Variants in PAM observed in about 807,000 individuals in gnomAD.
PAM encodes peptidyl-glycine alpha-amidating monooxygenase.
In PAM, 72 loss-of-function variants were observed where a neutral mutation model predicts 122.1. The ratio of observed to expected loss-of-function variants is 0.59; its 90% CI spans 0.49 to 0.72. The LOEUF is 0.72. Ranked by LOEUF, PAM falls within the 30% of genes least tolerant of loss-of-function variation. The pLI is 0.00. For synonymous variants in PAM, 389 were observed against 404.4 expected (o/e 0.96, Z 0.46); for missense variants, 1,106 against 1,183.7 (o/e 0.93, Z 0.96).
chr5:102,922,331 A>T (rs1747722870), intron 5 of PAM, among the ~76,000 whole-genome samples: 1 of 152,116 alleles, frequency 6.6e-6, no homozygotes, highest in Non-Finnish European at 1.5e-5. Context: ...GGAAGGCTTG[A>T]ACTGAATCTT....
chr5:102,927,890 T>C (rs978365481), intron 7 of PAM, among the ~76,000 whole-genome samples: 1 of 152,004 alleles, frequency 6.6e-6, no homozygotes, highest in Non-Finnish European at 1.5e-5. Flanking sequence ...TTTTTTGGAA[T>C]AGAACATAAT....
chr5:102,957,593 A>G (rs1450567513), intron 12 of PAM, among the ~76,000 whole-genome samples: 1 of 151,444 alleles, frequency 6.6e-6, no homozygotes, highest in African/African-American at 2.4e-5. Context: ...CAGTGGCGTG[A>G]GATCTCAGCT....
chr5:102,796,426 C>T (rs1371774953), intron 1 of PAM, among the ~76,000 whole-genome samples: 4 of 152,182 alleles, frequency 2.6e-5, no homozygotes, highest in African/African-American at 9.7e-5. Flanking sequence ...TGCAGTTCCA[C>T]ACAGTGGAAA....
chr5:102,782,700 C>T (rs1174783018), intron 1 of PAM, among the ~76,000 whole-genome samples: 2 of 137,200 alleles, frequency 1.5e-5, no homozygotes, highest in East Asian at 4.2e-4. Flanking sequence ...TTCCTTTCTC[C>T]ATTTCTCTCT....
Position 102,990,225 on chromosome 5 carries a change from A to G in PAM, c.1484-47A>G. ...TAACTATTATGAATCCTCATGAGGC[A>G]ATTCGACCTTTCCCTTTTACACTAA... On this transcript the variant is annotated intron_variant, in intron 15 of 25. Coordinates refer to ENST00000438793, the MANE Select transcript of PAM (RefSeq NM_001177306.2). The G allele has an allele frequency of 2.8e-6, 4 of 1,421,432 alleles. No individual in the cohort carries two copies. In the South Asian group the frequency reaches 6.9e-5, roughly 24 times the overall value. 88.1% of individuals were successfully genotyped at this position (1,421,432 alleles called of 1,614,324 possible).
At chr5:102,859,419 TAAAAAAAGC>T in intron 1 of PAM, among the ~76,000 whole-genome samples, 1 of 151,762 alleles carries the variant, frequency 6.6e-6, no homozygotes, top group Non-Finnish European at 1.5e-5. Context: ...GGTTTTTTTT[TAAAAAAAGC>T]TTATAGAATA....
chr5:102,950,416 G>GTGTGTGT (rs1758418594), intron 11 of PAM, among the ~76,000 whole-genome samples: 143 of 146,062 alleles, frequency 9.8e-4, no homozygotes, highest in African/African-American at 3.2e-3. Flanking sequence ...TATGTGGGTG[G>GTGTGTGT]GTGTGTGTGT....
chr5:102,962,118 C>A (rs1298799264), intron 14 of PAM, among the ~76,000 whole-genome samples: 1 of 151,910 alleles, frequency 6.6e-6, no homozygotes, highest in African/African-American at 2.4e-5. Context: ...TCAAAAATAT[C>A]ACTCTTGTAT....
chr5:102,869,172 T>C (rs536728657), intron 3 of PAM, among the ~76,000 whole-genome samples: 4 of 152,318 alleles, frequency 2.6e-5, no homozygotes, highest in East Asian at 1.9e-4. Flanking sequence ...TGGACCGTGA[T>C]TGATAATTGA....
chr5:102,830,086 T>C (rs917646769), intron 1 of PAM, among the ~76,000 whole-genome samples: 1 of 152,216 alleles, frequency 6.6e-6, no homozygotes, highest in Non-Finnish European at 1.5e-5. Context: ...CTGGGGCTTA[T>C]GTGCAGCTGC....
chr5:102,927,048 G>A (rs1054608025), intron 7 of PAM, among the ~76,000 whole-genome samples: 2 of 151,998 alleles, frequency 1.3e-5, no homozygotes, highest in African/African-American at 4.8e-5. Flanking sequence ...GCCACCGAGA[G>A]TCTATAGGTT....
chr5:102,869,958 A>C (rs1786849127), intron 3 of PAM, among the ~76,000 whole-genome samples: 1 of 152,144 alleles, frequency 6.6e-6, no homozygotes, highest in Non-Finnish European at 1.5e-5. Context: ...GGTCCAAGAA[A>C]ATGGAATGAT....
intron 16 of PAM, among the ~76,000 whole-genome samples, chr5:102,998,819 T>C (rs1776508978): frequency 6.6e-6 from 1 of 152,210 alleles, no homozygotes; most frequent in African/African-American, 2.4e-5. Context: ...AGATTGCCAT[T>C]GTGCCTTTAC....
chr5:102,869,524 A>G (rs1423858983), intron 3 of PAM, among the ~76,000 whole-genome samples: 2 of 152,202 alleles, frequency 1.3e-5, no homozygotes, highest in East Asian at 1.9e-4. Flanking sequence ...GCTCTGCCTG[A>G]CAGCTCAGAA....
chr5:103,000,039 C>A (rs1434240741), intron 16 of PAM, among the ~76,000 whole-genome samples: 1 of 152,180 alleles, frequency 6.6e-6, no homozygotes, highest in Non-Finnish European at 1.5e-5. Context: ...CATCATCAGG[C>A]TGCAAATTTT....
At chr5:102,996,523 A>C (rs1489725843) in intron 16 of PAM, among the ~76,000 whole-genome samples, 1 of 152,138 alleles carries the variant, frequency 6.6e-6, no homozygotes, top group East Asian at 1.9e-4. Flanking sequence ...CAAGTTTAAC[A>C]TGTGTGTTTG....
intron 7 of PAM, among the ~76,000 whole-genome samples, chr5:102,941,689 A>G (rs2151904788): frequency 6.6e-6 from 1 of 152,204 alleles, no homozygotes; most frequent in South Asian, 2.1e-4. Context: ...AATTTTTAAA[A>G]AAATCTGGTA....
intron 12 of PAM, among the ~76,000 whole-genome samples, chr5:102,957,290 C>G (rs929542430): frequency 1.3e-5 from 2 of 152,118 alleles, no homozygotes; most frequent in Non-Finnish European, 2.9e-5. Flanking sequence ...TACGTAAGAG[C>G]AAGTCTTACA....
At chr5:102,885,155 A>C (rs1488572425) in intron 3 of PAM, among the ~76,000 whole-genome samples, 2 of 151,058 alleles carry the variant, frequency 1.3e-5, no homozygotes, top group African/African-American at 2.5e-5. Flanking sequence ...AAACAAAACA[A>C]CAAACTCCTA....
Sources: allele counts gnomAD v4.1 joint callset (sites outside exome capture counted in the v4.1 genomes callset), GRCh38; gene constraint gnomAD v4.1.1; transcripts MANE v1.5; gene names NCBI Gene and HGNC (gene_info 2026-07-23, HGNC 2026-07-21).